The following TENM2 variants were observed in gnomAD, a reference collection of about 807,000 sequenced individuals.
The protein encoded by TENM2 is teneurin-2.
Under a neutral mutation model 245.2 loss-of-function variants are expected in TENM2, and 52 were observed. The observed-to-expected ratio is 0.21, with a 90% CI of 0.17 to 0.27. The LOEUF (loss-of-function observed/expected upper bound fraction) is 0.27, where lower values mean the gene tolerates loss of function less well. Ranked by LOEUF, TENM2 falls within the 10% of genes least tolerant of loss-of-function variation. The probability of loss-of-function intolerance (pLI) is 1.00; values close to 1 mark genes in which losing one functional copy is unlikely to be tolerated. For synonymous variants in TENM2, 1,363 were observed against 1,438.9 expected (o/e 0.95, Z 1.19); for missense variants, 3,046 against 3,666.8 (o/e 0.83, Z 4.37).
chr5:167,993,276 T>C, intron 5 of TENM2, 94 bp downstream of exon 7: 1 of 1,001,226 alleles, frequency 1.0e-6, no homozygotes, highest in Admixed American at 2.3e-5. Context: ...CTGATGTCTG[T>C]ACAGTTTGCT....
At chr5:167,638,090 GGTGTGTGTGTGTGTGTGTGTGTGTGTGT>G (rs70976439) in intron 2 of TENM2, among the ~76,000 whole-genome samples, 11 of 137,612 alleles carry the variant, frequency 8.0e-5, no homozygotes, top group African/African-American at 2.4e-4. Flanking sequence ...GAACAGGGCA[GGTGTGTGTGTGTGTGTGTGTGTGTGTGT>G]GTGTGTGTGT....
intron 13 of TENM2, chr5:168,186,581 C>T (rs940052488): frequency 5.9e-5 from 9 of 152,226 alleles, no homozygotes; most frequent in African/African-American, 1.7e-4. Context: ...TTCCCATAAC[C>T]GCTGAGTCAG....
Position 168,238,223 on chromosome 5 carries a change from A to G in TENM2, c.5521-6197A>G, listed in dbSNP as rs568467081. Among the ~76,000 whole-genome samples the G allele has an allele frequency of 4.3e-4, 25 of 57,822 alleles. 1 individual carries two copies. The highest frequency in any genetic ancestry group is 0.01 in the Middle Eastern group (1 of 98). The allele number at this position is 57,822 out of a possible 152,430, so 37.9% of individuals were successfully genotyped here. On this transcript the variant is annotated intron_variant, in intron 25 of 28. Coordinates refer to ENST00000518659, the Ensembl canonical transcript of TENM2. ...GGAGGGAGGGAGGGAGGGAGAGAGA[A>G]GAAAAGAAAAGAAAAGAAAAGAAAA...
At chr5:167,794,294 G>A (rs1016920255) in intron 2 of TENM2, among the ~76,000 whole-genome samples, 16 of 152,132 alleles carry the variant, frequency 1.1e-4, no homozygotes, top group Admixed American at 6.5e-4. Context: ...CAAATTACAC[G>A]TGTTTACTTC....
chr5:168,226,242 G>C, exon 24 of TENM2: 1 of 1,613,234 alleles, frequency 6.2e-7, no homozygotes, highest in Non-Finnish European at 8.5e-7. Flanking sequence ...TTCAGTAGAG[G>C]CCTCCTACAC....
chr5:168,170,264 G>A (rs1758685239), intron 13 of TENM2, among the ~76,000 whole-genome samples: 1 of 152,192 alleles, frequency 6.6e-6, no homozygotes, highest in Non-Finnish European at 1.5e-5. Flanking sequence ...AGCACTTTGG[G>A]AGGCCAAGGA....
chr5:167,045,076 G>A, the TENM2 span, among the ~76,000 whole-genome samples: 1 of 152,116 alleles, frequency 6.6e-6, no homozygotes, highest in East Asian at 1.9e-4. Context: ...ATAAAGTTCT[G>A]GGATGAAAGT....
chr5:168,092,856 C>G (rs187241673), intron 8 of TENM2, among the ~76,000 whole-genome samples: 1 of 152,310 alleles, frequency 6.6e-6, no homozygotes, highest in East Asian at 1.9e-4. Context: ...AGAAGTGGTT[C>G]ATAACAACAA....
chr5:167,415,816 G>T (rs773448701), intron 2 of TENM2, among the ~76,000 whole-genome samples: 1 of 152,102 alleles, frequency 6.6e-6, no homozygotes, highest in Non-Finnish European at 1.5e-5. Context: ...CTTCGCCGTG[G>T]TACATCTCTA....
chr5:167,705,243 G>A (rs1455184618), intron 2 of TENM2, among the ~76,000 whole-genome samples: 6 of 152,156 alleles, frequency 3.9e-5, no homozygotes. Flanking sequence ...ATATGACTGG[G>A]ACTGTGCTGA....
At chr5:167,464,190 T>G (rs1233999143) in intron 2 of TENM2, among the ~76,000 whole-genome samples, 1 of 152,146 alleles carries the variant, frequency 6.6e-6, no homozygotes, top group Non-Finnish European at 1.5e-5. Context: ...CAGGAATGAG[T>G]TGAAGAGTTC....
At chr5:168,070,156 A>T (rs1790861852) in intron 7 of TENM2, among the ~76,000 whole-genome samples, 1 of 152,200 alleles carries the variant, frequency 6.6e-6, no homozygotes. Context: ...TAAAAACAGC[A>T]TGTGTTTTGC....
At chr5:167,141,502 A>G in the TENM2 span, among the ~76,000 whole-genome samples, 1 of 152,124 alleles carries the variant, frequency 6.6e-6, no homozygotes, top group African/African-American at 2.4e-5. Flanking sequence ...TTTGGGAATG[A>G]AATTAAACAG....
intron 5 of TENM2, among the ~76,000 whole-genome samples, chr5:168,023,675 A>T (rs574705439): frequency 6.6e-6 from 1 of 152,222 alleles, no homozygotes; most frequent in Admixed American, 6.5e-5. Context: ...GAGCCATCAG[A>T]CACGTAGGTG....
chr5:167,802,107 A>G lies in TENM2; in HGVS notation c.503-73879A>G, dbSNP rs563871622. ...TGCAAAAGGAACAAACAGCTCTCTT[A>G]TATCTCTTTTATGAAGTCATTAATC... On this transcript the variant is annotated intron_variant, in intron 2 of 28. Transcript: ENST00000518659. Among the ~76,000 whole-genome samples the G allele has an allele frequency of 3.4e-4, 52 of 152,188 alleles. No homozygotes were observed. The South Asian group carries it at 5.0e-3, about 15-fold the overall frequency.
At chr5:168,187,161 C>T (rs571299363) in intron 13 of TENM2, 11 of 152,282 alleles carry the variant, frequency 7.2e-5, no homozygotes, top group Admixed American at 7.2e-4. Context: ...CATTTGTCAT[C>T]TGCTATTGCT....
At chr5:167,226,422 T>C in the TENM2 span, among the ~76,000 whole-genome samples, 1 of 152,032 alleles carries the variant, frequency 6.6e-6, no homozygotes, top group Non-Finnish European at 1.5e-5. Flanking sequence ...TTCAGGAACA[T>C]GTTGTTTAGT....
intron 12 of TENM2, among the ~76,000 whole-genome samples, chr5:168,139,931 A>G (rs922773018): frequency 6.6e-6 from 1 of 152,240 alleles, no homozygotes; most frequent in Non-Finnish European, 1.5e-5. Context: ...CTGGCAAGCA[A>G]CTAAAAATGT....
intron 7 of TENM2, among the ~76,000 whole-genome samples, chr5:168,065,585 C>A (rs201210262): frequency 6.6e-6 from 1 of 152,050 alleles, no homozygotes; most frequent in East Asian, 1.9e-4. Flanking sequence ...GTAGCCCTGG[C>A]AAATCCTGTA....
Sources: gnomAD v4.1 joint callset for allele counts (sites outside exome capture counted in the v4.1 genomes callset) on GRCh38, gnomAD v4.1.1 for gene constraint, MANE v1.5 for transcripts, NCBI Gene and HGNC (gene_info 2026-07-23, HGNC 2026-07-21) for gene names.